The following PPT1 variants were observed in gnomAD, a reference collection of about 807,000 sequenced individuals.
The protein encoded by PPT1 is ceroid-palmitoyl-palmitoyl-protein thioesterase 1.
A neutral mutation model predicts 44.0 loss-of-function variants in PPT1; 24 were observed. That is an observed-to-expected ratio of 0.54 (90% CI 0.39 to 0.77). The LOEUF is 0.77. PPT1 is among the 30% of genes least tolerant of loss of function. PPT1 has a pLI of 0.00. For missense variants in PPT1, 341 were observed against 378.8 expected, an observed-to-expected ratio of 0.90 and a Z score of 0.83; for synonymous variants, 148 against 140.2, an observed-to-expected ratio of 1.06 and a Z score of -0.39.
chr1:40,091,222 C>T, intron 4 of PPT1, 107 bp downstream of exon 4: 2 of 1,176,282 alleles, frequency 1.7e-6, no homozygotes, highest in Non-Finnish European at 1.2e-6. Flanking sequence ...CAGGATTTTG[C>T]AAGAATGGCT....
intron 2 of PPT1, 32 bp from the exon 3 acceptor site, chr1:40,092,204 T>C: frequency 1.9e-6 from 3 of 1,613,854 alleles, no homozygotes; most frequent in Non-Finnish European, 2.5e-6. Context: ...AGTGAGAGGA[T>C]GGGACTGAAA....
chr1:40,094,125 T>C, intron 1 of PPT1: 2 of 581,522 alleles, frequency 3.4e-6, no homozygotes, highest in East Asian at 2.8e-5. Context: ...ACAGGGGATA[T>C]TTGGGGTGAA....
chr1:40,081,792 G>A (rs1248643793), intron 5 of PPT1, among the ~76,000 whole-genome samples: 1 of 152,140 alleles, frequency 6.6e-6, no homozygotes, highest in Non-Finnish European at 1.5e-5. Flanking sequence ...GTGGGGTGCT[G>A]CTGAAAAGTT....
At chr1:40,081,228 T>C (rs1050382599) in intron 5 of PPT1, among the ~76,000 whole-genome samples, 1 of 152,068 alleles carries the variant, frequency 6.6e-6, no homozygotes, top group Non-Finnish European at 1.5e-5. Context: ...TCTCATGAGA[T>C]CTGATGGTTT....
chr1:40,078,874 G>C (rs1206828718), intron 6 of PPT1: 1 of 531,364 alleles, frequency 1.9e-6, no homozygotes, highest in African/African-American at 2.0e-5. Context: ...GATTCAGGGG[G>C]GTACATGTGT....
chr1:40,074,051 T>A lies in PPT1; in HGVS notation c.*10A>T, dbSNP rs1648426872. 6.2e-7 allele frequency: 1 copy of A among 1,614,000 alleles called. No homozygotes were observed. The highest frequency in any genetic ancestry group is 1.7e-5 in the Admixed American group (1 of 60,000). On this transcript the variant is annotated 3_prime_UTR_variant, in exon 9 of 9. Coordinates refer to ENST00000642050, the MANE Select transcript of PPT1 (RefSeq NM_000310.4). ...GGGCTCCCTGAGCTCTATTGTGAAC[T>A]ATACGGGTTTCATCCAAGGAATGGT...
chr1:40,084,456 C>G (rs547153064), intron 5 of PPT1, among the ~76,000 whole-genome samples: 42 of 152,220 alleles, frequency 2.8e-4, no homozygotes, highest in African/African-American at 9.6e-4. Context: ...TCTATTGTGG[C>G]CAAAATGCTA....
intron 5 of PPT1, among the ~76,000 whole-genome samples, chr1:40,088,006 T>C (rs1187212637): frequency 6.6e-6 from 1 of 152,214 alleles, no homozygotes; most frequent in East Asian, 1.9e-4. Flanking sequence ...AGGCTGTATC[T>C]TGGAAAATGG....
chr1:40,080,013 G>T (rs1189895132), intron 6 of PPT1, among the ~76,000 whole-genome samples: 1 of 152,148 alleles, frequency 6.6e-6, no homozygotes, highest in East Asian at 1.9e-4. Flanking sequence ...GTTTGTGTCT[G>T]GGACATACTC....
rs1307096849 is a variant in PPT1, at chr1:40,091,334, T to A, written c.428A>T (p.His143Leu). 1.9e-6 allele frequency: 3 copies of A among 1,613,790 alleles called. No homozygotes were observed. In the African/African-American group the frequency reaches 4.0e-5, roughly 22 times the overall value. Residue 143 changes from histidine (H) to leucine (L), a missense_variant, in exon 4 of 9, where the codon CAT becomes CTT. Physicochemically the swap from His to Leu is moderately conservative, Grantham distance 99. Coordinates refer to ENST00000642050, the MANE Select transcript of PPT1 (RefSeq NM_000310.4). Reference protein sequence around the residue: ...MINLISVGGQHQGVFGLPRCP... With the variant: ...MINLISVGGQLQGVFGLPRCP... ...AAGCAAAGAGGCAAAGTTACCTTGA[T>A]GTTGTCCCCCAACCGAGATCAGATT...
intron 1 of PPT1, 33 bp from the exon 2 acceptor site, chr1:40,092,540 G>A (rs748782427): frequency 8.1e-6 from 12 of 1,484,822 alleles, no homozygotes; most frequent in Admixed American, 1.7e-5. Context: ...GGAAACTCAT[G>A]AGTCCAAATA....
intron 8 of PPT1, chr1:40,075,252 CAAAA>C (rs888637406): frequency 2.6e-5 from 4 of 152,102 alleles, no homozygotes; most frequent in African/African-American, 9.7e-5. Flanking sequence ...AAAACTGTCT[CAAAA>C]GAACAAAACA....
intron 6 of PPT1, 173 bp from the exon 7 acceptor site, chr1:40,078,831 C>CT (rs775554267): frequency 4.3e-5 from 27 of 627,330 alleles, no homozygotes; most frequent in Non-Finnish European, 7.6e-5. Context: ...TTTTTTTTTT[C>CT]TTTTTTTCTA....
intron 8 of PPT1, chr1:40,075,162 G>A (rs1434484426): frequency 6.6e-6 from 1 of 152,394 alleles, no homozygotes; most frequent in Non-Finnish European, 1.5e-5. Flanking sequence ...GGCTGAGACA[G>A]GAGAATTCGC....
intron 1 of PPT1, 58 bp downstream of exon 1, chr1:40,097,057 A>G: frequency 6.2e-7 from 1 of 1,613,740 alleles, no homozygotes. Flanking sequence ...TGCAGATGCG[A>G]ACCCAGGCTA....
At chr1:40,078,230 C>T (rs1648728201) in intron 7 of PPT1, among the ~76,000 whole-genome samples, 1 of 152,202 alleles carries the variant, frequency 6.6e-6, no homozygotes, top group Admixed American at 6.5e-5. Flanking sequence ...CAGAGTCTCG[C>T]TCTGTCACCC....
Position 40,080,202 on chromosome 1 carries a change from G to C in PPT1, c.627+195C>G, listed in dbSNP as rs551342890. Among the ~76,000 whole-genome samples, 3 of 152,276 alleles carry C rather than the reference G, an allele frequency of 2.0e-5. No individual in the cohort carries two copies. The East Asian group carries it at 5.8e-4, about 29-fold the overall frequency. The stretch of plus-strand genomic sequence containing the variant: ...ACTAGGAGAGGGAAAGAACTTAAGG[G>C]AAGAAAGGCAAATGAATTTCAACCT... On this transcript the variant is annotated intron_variant, in intron 6 of 8. Coordinates refer to ENST00000642050, the MANE Select transcript of PPT1 (RefSeq NM_000310.4).
At chr1:40,072,174 G>C, downstream of PPT1, 2 of 397,980 alleles carry the variant, frequency 5.0e-6, no homozygotes, top group Non-Finnish European at 8.8e-6. Flanking sequence ...CTTCATCCAG[G>C]GCAGTTAATG....
At chr1:40,071,915 CTT>C, downstream of PPT1, 1 of 412,684 alleles carries the variant, frequency 2.4e-6, no homozygotes. Flanking sequence ...ACTGGTTAAT[CTT>C]TTTTTAACAA....
Sources: gnomAD v4.1 joint callset for allele counts (sites outside exome capture counted in the v4.1 genomes callset) on GRCh38, gnomAD v4.1.1 for gene constraint, MANE v1.5 for transcripts, NCBI Gene and HGNC (gene_info 2026-07-23, HGNC 2026-07-21) for gene names.